The following GTF2H1 variants were observed in gnomAD, a reference collection of about 807,000 sequenced individuals.
GTF2H1 encodes BTF2 p62.
In GTF2H1, 16 loss-of-function variants were observed where a neutral mutation model predicts 71.2. That is an observed-to-expected ratio of 0.22 (90% CI 0.15 to 0.34). The LOEUF is 0.34. Ranked by LOEUF, GTF2H1 falls within the 10% of genes least tolerant of loss-of-function variation. GTF2H1 has a pLI of 1.00. For synonymous variants in GTF2H1, 215 were observed against 219.0 expected (o/e 0.98, Z 0.16); for missense variants, 498 against 648.2 (o/e 0.77, Z 2.52).
intron 2 of GTF2H1, among the ~76,000 whole-genome samples, 164 bp from the exon 3 acceptor site, chr11:18,335,590 T>A (rs1865006241): frequency 6.6e-6 from 1 of 152,192 alleles, no homozygotes; most frequent in Non-Finnish European, 1.5e-5. Context: ...GCTCTGGTTG[T>A]ATGGGATCAT....
intron 14 of GTF2H1, among the ~76,000 whole-genome samples, chr11:18,363,770 T>C (rs1174388173): frequency 3.9e-5 from 6 of 152,018 alleles, no homozygotes; most frequent in African/African-American, 1.4e-4. Context: ...CTTGGAGTGC[T>C]GTGTTGGAAA....
At chr11:18,325,399 T>G (rs554059509) in intron 1 of GTF2H1, among the ~76,000 whole-genome samples, 4 of 152,260 alleles carry the variant, frequency 2.6e-5, no homozygotes, top group Non-Finnish European at 5.9e-5. Flanking sequence ...CAAAGATTCC[T>G]TATTATGTCT....
Position 18,333,146 on chromosome 11 carries a change from G to A in GTF2H1, c.72G>A (p.Leu24=). Residue 24 remains leucine, a synonymous_variant, in exon 2 of 15, where the codon CTG becomes CTA. Coordinates refer to ENST00000265963, the MANE Select transcript of GTF2H1 (RefSeq NM_005316.4). ...GTCAAAAGAAGCAGGATGGAGCTCT[G>A]TACCTCATGGCAGAAAGAATTGCTT... is the stretch of plus-strand genomic sequence containing the variant. ...KVRQKKQDGA[L]YLMAERIAWA... The A allele has an allele frequency of 6.2e-7, 1 of 1,613,502 alleles. No homozygotes were observed. The highest frequency in any genetic ancestry group is 1.1e-5 in the South Asian group (1 of 91,048).
intron 11 of GTF2H1, among the ~76,000 whole-genome samples, chr11:18,357,388 AT>A (rs1052076018): frequency 4.0e-5 from 6 of 150,750 alleles, no homozygotes; most frequent in East Asian, 3.9e-4. Flanking sequence ...TCTGCTCTTT[AT>A]TTTTTTTTCC....
intron 9 of GTF2H1, chr11:18,348,182 A>G (rs1230569886): frequency 1.2e-5 from 6 of 481,496 alleles, no homozygotes; most frequent in African/African-American, 2.0e-5. Flanking sequence ...GTACACATAC[A>G]TACAGATTGT....
intron 14 of GTF2H1, among the ~76,000 whole-genome samples, chr11:18,361,944 G>C (rs1361278813): frequency 2.6e-5 from 4 of 152,180 alleles, no homozygotes; most frequent in Non-Finnish European, 4.4e-5. Context: ...AACCACATCA[G>C]ATCATTTGTA....
intron 14 of GTF2H1, among the ~76,000 whole-genome samples, chr11:18,364,110 C>T (rs146287842): frequency 7.8e-4 from 119 of 152,074 alleles, no homozygotes; most frequent in South Asian, 2.3e-3. Flanking sequence ...CCATGCATAG[C>T]CTTGCAGAAG....
chr11:18,335,856 T>C lies in GTF2H1; in HGVS notation c.257T>C (p.Val86Ala). The C allele has an allele frequency of 6.2e-7, 1 of 1,613,912 alleles. No individual in the cohort carries two copies. The highest frequency in any genetic ancestry group is 2.2e-5 in the East Asian group (1 of 44,878). Reference protein sequence around the residue: ...NFHFSNESTAVKERDAVKDLL... With the variant: ...NFHFSNESTAAKERDAVKDLL... Reference sequence around the variant, plus strand: ...CATTTTTCCAATGAAAGCACAGCAGTGAAAGAGCGAGATGCAGTAAAAGAC... The same window carrying C: ...CATTTTTCCAATGAAAGCACAGCAGCGAAAGAGCGAGATGCAGTAAAAGAC... The change falls in exon 3 of 15, where the codon GTG (valine) becomes GCG (alanine). Residue 86 changes from valine to alanine, a missense_variant. Physicochemically the swap from Val to Ala is moderately conservative, Grantham distance 64 (BLOSUM62 0). Coordinates refer to ENST00000265963, the MANE Select transcript of GTF2H1 (RefSeq NM_005316.4).
At position 18,365,920 on chromosome 11, in the gene GTF2H1, C is replaced by G; in HGVS notation, c.*51C>G. 1.5e-6 allele frequency: 2 copies of G among 1,293,200 alleles called. No homozygotes were observed. Among genetic ancestry groups the G allele is most frequent in the Non-Finnish European group, 2.2e-6 (2 of 894,814 alleles). The allele number at this position is 1,293,200 out of a possible 1,614,324, so 80.1% of individuals were successfully genotyped here. A position where few individuals can be genotyped will look rare whatever the true frequency, so the allele number is the denominator to read the frequency against. On this transcript the variant is annotated 3_prime_UTR_variant, in exon 15 of 15. Transcript: ENST00000265963. ...GTGAGATTGAGAGAACTATGACCTGCAGCAACTCTGGAAACCTGGCCTGAC... is the reference window on the plus strand; with the variant it reads ...GTGAGATTGAGAGAACTATGACCTGGAGCAACTCTGGAAACCTGGCCTGAC...
chr11:18,327,723 G>A (rs1478494221), intron 1 of GTF2H1, among the ~76,000 whole-genome samples: 3 of 152,090 alleles, frequency 2.0e-5, no homozygotes, highest in Non-Finnish European at 4.4e-5. Context: ...CGACTTGCTG[G>A]GACTACAGAT....
rs1369325302 is a variant in GTF2H1, at chr11:18,360,806, T to C, written c.1560+99T>C. On this transcript the variant is annotated intron_variant, in intron 14 of 14. Coordinates refer to ENST00000265963, the MANE Select transcript of GTF2H1 (RefSeq NM_005316.4). The stretch of plus-strand genomic sequence containing the variant: ...ATGTAAATGAGTAGATACTTAATTT[T>C]CTTTTTTTTTTTTTTTTGAAACGGA... 5 of 679,108 alleles carry C rather than the reference T, an allele frequency of 7.4e-6. No homozygotes were observed. The East Asian group carries it at 8.6e-5, about 12-fold the overall frequency. 42.1% of individuals were successfully genotyped at this position (679,108 alleles called of 1,614,324 possible).
At chr11:18,351,855 A>G in intron 9 of GTF2H1, 26 bp from the exon 10 acceptor site, 1 of 1,174,020 alleles carries the variant, frequency 8.5e-7, no homozygotes, top group Non-Finnish European at 1.3e-6. Flanking sequence ...GTGACAAAAT[A>G]AAAAGTACTG....
At chr11:18,360,156 C>G (rs111427514) in intron 13 of GTF2H1, among the ~76,000 whole-genome samples, 132 of 151,516 alleles carry the variant, frequency 8.7e-4, no homozygotes, top group African/African-American at 3.0e-3. Flanking sequence ...TGGAGTCTCA[C>G]TCTGTCGGCA....
intron 1 of GTF2H1, among the ~76,000 whole-genome samples, chr11:18,324,759 G>C (rs1025539987): frequency 6.6e-6 from 1 of 152,080 alleles, no homozygotes; most frequent in Non-Finnish European, 1.5e-5. Flanking sequence ...ATTACCAACT[G>C]ATTACTCTTC....
chr11:18,347,641 G>A lies in GTF2H1; in HGVS notation c.891G>A (p.Glu297=). ...CTTCCAATTCTAAATCCATAAAAGA[G>A]AATAGTAATGCTGCCATCATCAAGA... ...PSASNSKSIK[E]NSNAAIIKRF... is the part of the protein sequence containing the mutation. The change falls in exon 8 of 15, where the codon GAG becomes GAA. Residue 297 remains glutamate (E), a synonymous_variant. Coordinates refer to ENST00000265963, the MANE Select transcript of GTF2H1 (RefSeq NM_005316.4). 1.2e-6 allele frequency: 2 copies of A among 1,611,218 alleles called. No homozygotes were observed. Among genetic ancestry groups the A allele is most frequent in the Non-Finnish European group, 1.7e-6 (2 of 1,177,390 alleles).
At chr11:18,363,615 A>G in intron 14 of GTF2H1, among the ~76,000 whole-genome samples, 1 of 152,204 alleles carries the variant, frequency 6.6e-6, no homozygotes, top group East Asian at 1.9e-4. Flanking sequence ...TTTCATATTT[A>G]TTTCCTAAAT....
chr11:18,327,693 A>G (rs1394302616), intron 1 of GTF2H1, among the ~76,000 whole-genome samples: 2 of 152,146 alleles, frequency 1.3e-5, no homozygotes, highest in East Asian at 1.9e-4. Flanking sequence ...GACTCAGGTA[A>G]TCCTCTCATT....
intron 3 of GTF2H1, among the ~76,000 whole-genome samples, chr11:18,337,553 A>G (rs1057258868): frequency 1.3e-4 from 20 of 152,212 alleles, no homozygotes; most frequent in African/African-American, 4.3e-4. Flanking sequence ...CATATCCAGG[A>G]GTTCTACATC....
At chr11:18,328,000 C>T (rs1864804847) in intron 1 of GTF2H1, among the ~76,000 whole-genome samples, 1 of 150,704 alleles carries the variant, frequency 6.6e-6, no homozygotes, top group Non-Finnish European at 1.5e-5. Context: ...TAGGTCAGTT[C>T]GAGAGCAGCC....
Sources: allele counts gnomAD v4.1 joint callset (sites outside exome capture counted in the v4.1 genomes callset), GRCh38; gene constraint gnomAD v4.1.1; transcripts MANE v1.5; gene names NCBI Gene and HGNC (gene_info 2026-07-23, HGNC 2026-07-21).